GALNT2: variants seen among roughly 807,000 people sequenced by gnomAD.
GALNT2 encodes UDP-GalNAc:polypeptide N-acetylgalactosaminyltransferase 2.
Under a neutral mutation model 81.4 loss-of-function variants are expected in GALNT2, and 31 were observed. The observed-to-expected ratio is 0.38, with a 90% CI of 0.29 to 0.51. The LOEUF is 0.51. Ranked by LOEUF, GALNT2 falls within the 20% of genes least tolerant of loss-of-function variation. The pLI is 0.87. For missense variants in GALNT2, 629 were observed against 765.7 expected (o/e 0.82, Z 2.11); for synonymous variants, 303 against 287.4 (o/e 1.05, Z -0.55).
chr1:230,130,711 G>T (rs1661340379), intron 1 of GALNT2, among the ~76,000 whole-genome samples: 1 of 152,194 alleles, frequency 6.6e-6, no homozygotes, highest in African/African-American at 2.4e-5. Context: ...CAAGAGTCTG[G>T]AATTTACACT....
chr1:230,092,658 T>C (rs1660130191), intron 1 of GALNT2, among the ~76,000 whole-genome samples: 1 of 152,198 alleles, frequency 6.6e-6, no homozygotes, highest in Non-Finnish European at 1.5e-5. Context: ...GTGACATTTC[T>C]AAACCTTATC....
chr1:230,253,885 T>C (rs1278974920), intron 10 of GALNT2, among the ~76,000 whole-genome samples: 3 of 152,196 alleles, frequency 2.0e-5, no homozygotes, highest in Non-Finnish European at 4.4e-5. Context: ...AGATCAGTGT[T>C]TTTTAGCTTC....
At chr1:230,255,781 C>T (rs919159519) in intron 11 of GALNT2, among the ~76,000 whole-genome samples, 4 of 152,096 alleles carry the variant, frequency 2.6e-5, no homozygotes, top group Non-Finnish European at 5.9e-5. Flanking sequence ...AACTGTACAC[C>T]ACCCCCCAAA....
At chr1:230,109,112 G>A (rs772644930) in intron 1 of GALNT2, among the ~76,000 whole-genome samples, 5 of 152,246 alleles carry the variant, frequency 3.3e-5, no homozygotes, top group Admixed American at 6.5e-5. Context: ...AACTCACTGA[G>A]TTGAATTCCC....
At chr1:230,105,187 C>T (rs1660506999) in intron 1 of GALNT2, among the ~76,000 whole-genome samples, 1 of 152,184 alleles carries the variant, frequency 6.6e-6, no homozygotes, top group African/African-American at 2.4e-5. Flanking sequence ...GTGCTCAGAC[C>T]TCCTTTCAGA....
At chr1:230,216,135 C>T (rs565297485) in intron 3 of GALNT2, among the ~76,000 whole-genome samples, 2 of 152,164 alleles carry the variant, frequency 1.3e-5, no homozygotes, top group African/African-American at 2.4e-5. Flanking sequence ...GATCAATCTT[C>T]GAGTCCTAAC....
At chr1:230,262,124 C>G (rs1015220755) in intron 11 of GALNT2, 1 of 158,034 alleles carries the variant, frequency 6.3e-6, no homozygotes, top group African/African-American at 2.4e-5. Flanking sequence ...GCAGAGCTGT[C>G]TGATAGTGTC....
At chr1:230,222,641 AT>A (rs1255691118) in intron 3 of GALNT2, among the ~76,000 whole-genome samples, 2 of 151,762 alleles carry the variant, frequency 1.3e-5, no homozygotes, top group African/African-American at 4.8e-5. Context: ...TCCTGACTTT[AT>A]TGCTGTGGAG....
intron 1 of GALNT2, among the ~76,000 whole-genome samples, chr1:230,107,227 A>G (rs1660569458): frequency 6.6e-6 from 1 of 152,242 alleles, no homozygotes; most frequent in East Asian, 1.9e-4. Flanking sequence ...TCCTCCTTGC[A>G]GGAGAATCAG....
chr1:230,068,835 A>G (rs533152197), intron 1 of GALNT2, among the ~76,000 whole-genome samples: 44 of 152,300 alleles, frequency 2.9e-4, no homozygotes, highest in East Asian at 1.7e-3. Flanking sequence ...TTGTTTTTGT[A>G]AAAAATGGTA....
Position 230,271,651 on chromosome 1 carries a change from G to A in GALNT2, c.1441-2794G>A, listed in dbSNP as rs1045210674. 2.0e-5 allele frequency among the ~76,000 whole-genome samples: 3 copies of A among 152,230 alleles called. No individual in the cohort carries two copies. The highest frequency in any genetic ancestry group is 4.4e-5 in the Non-Finnish European group (3 of 68,046). ...AATAGTTCATAGAACTCAGGAAAACGGTTTACTTCGTGGCTTACCTGTTCA... is the reference window on the plus strand; with the variant it reads ...AATAGTTCATAGAACTCAGGAAAACAGTTTACTTCGTGGCTTACCTGTTCA... On this transcript the variant is annotated intron_variant, in intron 14 of 15. Coordinates refer to ENST00000366672, the MANE Select transcript of GALNT2 (RefSeq NM_004481.5). This position sits in a 1 kb window ranked among gnomAD's most constrained non-coding sequence, Gnocchi z 4.2.
chr1:230,204,347 T>C (rs1483102033), intron 3 of GALNT2, among the ~76,000 whole-genome samples: 1 of 152,040 alleles, frequency 6.6e-6, no homozygotes, highest in African/African-American at 2.4e-5. Context: ...TTTTGTATTT[T>C]TAGTAGAGAT....
chr1:230,266,376 C>T (rs919502209), intron 14 of GALNT2, among the ~76,000 whole-genome samples: 8 of 152,308 alleles, frequency 5.3e-5, no homozygotes, highest in Middle Eastern at 3.4e-3. Flanking sequence ...AAAGGGTAAT[C>T]CTGTGTGCTC....
intron 1 of GALNT2, among the ~76,000 whole-genome samples, chr1:230,117,232 A>G (rs1378952964): frequency 6.6e-6 from 1 of 152,216 alleles, no homozygotes; most frequent in Non-Finnish European, 1.5e-5. Flanking sequence ...GAGGAGAGTA[A>G]GGGCCTTGCT....
chr1:230,196,185 C>T (rs546486484), intron 2 of GALNT2, among the ~76,000 whole-genome samples: 25 of 152,320 alleles, frequency 1.6e-4, no homozygotes, highest in South Asian at 1.0e-3. Flanking sequence ...TCCTGCCTGC[C>T]GTCCCTCCCT....
chr1:230,061,961 C>T (rs552787987), intron 1 of GALNT2, among the ~76,000 whole-genome samples: 2 of 152,140 alleles, frequency 1.3e-5, no homozygotes, highest in Non-Finnish European at 2.9e-5. Context: ...GATACATACC[C>T]TATTGCAACT....
At chr1:230,085,752 G>T (rs1319181221) in intron 1 of GALNT2, among the ~76,000 whole-genome samples, 3 of 152,256 alleles carry the variant, frequency 2.0e-5, no homozygotes, top group Non-Finnish European at 4.4e-5. Context: ...CTTATTCATT[G>T]CATTTTGGAT....
intron 1 of GALNT2, among the ~76,000 whole-genome samples, chr1:230,165,286 C>T (rs1184114444): frequency 1.3e-5 from 2 of 152,120 alleles, no homozygotes; most frequent in Non-Finnish European, 2.9e-5. Context: ...TTTCATTTAA[C>T]GTAAGCATTT....
chr1:230,211,350 G>C lies in GALNT2; in HGVS notation c.374+8060G>C, dbSNP rs188538571. Among the ~76,000 whole-genome samples, 4 of 152,312 alleles carry C rather than the reference G, an allele frequency of 2.6e-5. No homozygotes were observed. In the East Asian group the frequency reaches 7.7e-4, roughly 29 times the overall value. ...CGCTTCTCTAGGCTTAGCTGTTCTG[G>C]CTTTGTTGGCATTTGTGGCCGTGGG... On this transcript the variant is annotated intron_variant, in intron 3 of 15. Coordinates refer to ENST00000366672, the MANE Select transcript of GALNT2 (RefSeq NM_004481.5).
Sources: gnomAD v4.1 joint callset for allele counts (sites outside exome capture counted in the v4.1 genomes callset) on GRCh38, gnomAD v4.1.1 for gene constraint, Gnocchi (gnomAD v3.1) non-coding constraint, MANE v1.5 for transcripts, NCBI Gene and HGNC (gene_info 2026-07-23, HGNC 2026-07-21) for gene names.